ADAM19: variants seen among roughly 807,000 people sequenced by gnomAD.
ADAM19 encodes disintegrin and metalloproteinase domain-containing protein 19.
Under a neutral mutation model 114.7 loss-of-function variants are expected in ADAM19, and 65 were observed. The ratio of observed to expected loss-of-function variants is 0.57; its 90% CI spans 0.46 to 0.70. The LOEUF (loss-of-function observed/expected upper bound fraction) is 0.70, where lower values mean the gene tolerates loss of function less well. ADAM19 is among the 30% of genes least tolerant of loss of function. The pLI is 0.00. For missense variants in ADAM19, 1,063 were observed against 1,204.7 expected, an observed-to-expected ratio of 0.88 and a Z score of 1.74; for synonymous variants, 466 against 460.5, an observed-to-expected ratio of 1.01 and a Z score of -0.15.
chr5:157,536,835 G>A (rs1756781700), intron 4 of ADAM19, among the ~76,000 whole-genome samples: 1 of 152,178 alleles, frequency 6.6e-6, no homozygotes, highest in Non-Finnish European at 1.5e-5. Flanking sequence ...GATGCAGAGG[G>A]ACCTCTCCTG....
intron 21 of ADAM19, among the ~76,000 whole-genome samples, chr5:157,482,948 A>G (rs1239181325): frequency 6.6e-6 from 1 of 152,204 alleles, no homozygotes; most frequent in African/African-American, 2.4e-5. Context: ...CAGCAAAATA[A>G]CACAAGAACA....
chr5:157,488,137 A>G, intron 21 of ADAM19, 128 bp downstream of exon 21: 1 of 920,572 alleles, frequency 1.1e-6, no homozygotes, highest in Non-Finnish European at 1.7e-6. Flanking sequence ...CCCCGTATTG[A>G]CTGAATTGCA....
Position 157,479,580 on chromosome 5 carries a change from AG to A in ADAM19, c.*1368del. On this transcript the variant is annotated 3_prime_UTR_variant, in exon 23 of 23. Transcript: ENST00000257527. ...CCTCCTTCCCTGCTGCAGGGAAGAC[AG>A]GAGCCACCGCAGACCCCCTCACCTG... 1 of 985,842 alleles carries A rather than the reference AG, an allele frequency of 1.0e-6. No individual in the cohort carries two copies. The highest frequency in any genetic ancestry group is 1.2e-6 in the Non-Finnish European group (1 of 829,968). The allele number at this position is 985,842 out of a possible 1,614,324, so 61.1% of individuals were successfully genotyped here.
At chr5:157,541,471 G>A (rs1010739220) in intron 3 of ADAM19, among the ~76,000 whole-genome samples, 1 of 152,100 alleles carries the variant, frequency 6.6e-6, no homozygotes, top group Non-Finnish European at 1.5e-5. Context: ...GCCATGTCTC[G>A]GCACCATCAT....
intron 9 of ADAM19, among the ~76,000 whole-genome samples, chr5:157,507,926 TCCA>T (rs2113723829): frequency 6.6e-6 from 1 of 152,352 alleles, no homozygotes; most frequent in East Asian, 1.9e-4. Flanking sequence ...GGTACTTATC[TCCA>T]CGTTTGTCTT....
chr5:157,479,687 G>A lies in ADAM19; in HGVS notation c.*1262C>T. On this transcript the variant is annotated 3_prime_UTR_variant, in exon 23 of 23. Transcript: ENST00000257527. ...AAAGGAAGTGAATGACAAAAAGCTG[G>A]GTTGAGGAAGAGGCTCCCTGCTCTG... 2 of 986,034 alleles carry A rather than the reference G, an allele frequency of 2.0e-6. No homozygotes were observed. The highest frequency in any genetic ancestry group is 2.4e-6 in the Non-Finnish European group (2 of 830,190). 61.1% of individuals were successfully genotyped at this position (986,034 alleles called of 1,614,324 possible).
chr5:157,504,975 C>T (rs1469190867), intron 11 of ADAM19, among the ~76,000 whole-genome samples: 5 of 151,776 alleles, frequency 3.3e-5, no homozygotes, highest in African/African-American at 9.7e-5. Context: ...AAAAATTAGC[C>T]GGGCATGGTG....
intron 3 of ADAM19, among the ~76,000 whole-genome samples, chr5:157,540,784 T>G (rs1472237113): frequency 6.6e-6 from 1 of 152,148 alleles, no homozygotes; most frequent in African/African-American, 2.4e-5. Flanking sequence ...CCCACTCCAT[T>G]TCTGACCACA....
At position 157,519,198 on chromosome 5, in the gene ADAM19, G is replaced by A. The variant is rs149109563; in HGVS notation, c.601-310C>T. ...TGAGAGGGAGTGTGCTAACCACCAC[G>A]TTCCCACAGAACCTCGAAACCTCGA... On this transcript the variant is annotated intron_variant, in intron 6 of 22. Transcript: ENST00000257527. Among the ~76,000 whole-genome samples the A allele has an allele frequency of 2.0e-4, 30 of 152,292 alleles. No individual in the cohort carries two copies. In the East Asian group the frequency reaches 4.0e-3, roughly 21 times the overall value.
rs759630230 is a variant in ADAM19, at chr5:157,480,988, T to C, written c.2718A>G (p.Arg906=). The change falls in exon 23 of 23, where the codon AGA becomes AGG. Residue 906 remains arginine, a synonymous_variant. Transcript: ENST00000257527. The part of the protein sequence containing the change: ...AALAPKFPEY[R]SQRAGGMISS... ...TAATCATCCCTCCAGCCCTCTGTGA[T>C]CTGTATTCTGGAAACTGGGAAGAAA... The C allele has an allele frequency of 1.9e-6, 3 of 1,614,100 alleles. No individual in the cohort carries two copies. The highest frequency in any genetic ancestry group is 2.5e-6 in the Non-Finnish European group (3 of 1,180,004).
chr5:157,518,642 C>T (rs1488558898), intron 7 of ADAM19, among the ~76,000 whole-genome samples, 181 bp downstream of exon 7: 2 of 152,252 alleles, frequency 1.3e-5, no homozygotes, highest in Non-Finnish European at 2.9e-5. Flanking sequence ...CCTTGCCCAC[C>T]CAAAGTGCTG....
At chr5:157,574,465 C>G (rs1297210146) in intron 1 of ADAM19, among the ~76,000 whole-genome samples, 1 of 152,202 alleles carries the variant, frequency 6.6e-6, no homozygotes, top group East Asian at 1.9e-4. Context: ...GAGGACCGCC[C>G]GACCTCGGCC....
chr5:157,531,492 C>A (rs959811233), intron 4 of ADAM19, among the ~76,000 whole-genome samples: 1 of 151,952 alleles, frequency 6.6e-6, no homozygotes, highest in South Asian at 2.1e-4. Flanking sequence ...CATGGTGAAA[C>A]CCTGTCTCTA....
At chr5:157,525,614 T>C (rs1756430668) in intron 5 of ADAM19, among the ~76,000 whole-genome samples, 6 of 152,024 alleles carry the variant, frequency 3.9e-5, no homozygotes, top group Admixed American at 1.3e-4. Flanking sequence ...AGCCACCTTT[T>C]GGATAGAGTA....
chr5:157,575,737 A>C lies in ADAM19; in HGVS notation c.-41T>G. On this transcript the variant is annotated 5_prime_UTR_variant, in exon 1 of 23. Coordinates refer to ENST00000257527, the MANE Select transcript of ADAM19 (RefSeq NM_033274.5). ...TAGCGCTCGGCGCTCACACGCCCTC[A>C]GCCATACCTGCCCACTGCCCGGCGG... 1 of 1,261,000 alleles carries C rather than the reference A, an allele frequency of 7.9e-7. No individual in the cohort carries two copies. Among genetic ancestry groups the C allele is most frequent in the Non-Finnish European group, 1.0e-6 (1 of 998,916 alleles). 78.1% of individuals were successfully genotyped at this position (1,261,000 alleles called of 1,614,324 possible).
intron 13 of ADAM19, among the ~76,000 whole-genome samples, chr5:157,498,396 G>A (rs144038216): frequency 7.9e-5 from 12 of 152,290 alleles, no homozygotes; most frequent in East Asian, 3.9e-4. Context: ...CTCCTTAACC[G>A]GCAGCGGGGC....
chr5:157,477,689 C>G lies in ADAM19; in HGVS notation c.*3260G>C, dbSNP rs1030071164. ...TACACGTGGTTAACACAATTACTGA[C>G]TTTGGAACTGGTCCCCAGTTTTCAA... is the stretch of plus-strand genomic sequence containing the variant. On this transcript the variant is annotated 3_prime_UTR_variant, in exon 23 of 23. Transcript: ENST00000257527. The G allele has an allele frequency of 2.3e-6, 3 of 1,289,658 alleles. No individual in the cohort carries two copies. In the African/African-American group the frequency reaches 4.6e-5, roughly 20 times the overall value. 79.9% of individuals were successfully genotyped at this position (1,289,658 alleles called of 1,614,324 possible).
At chr5:157,566,932 A>C (rs1757680921) in intron 2 of ADAM19, among the ~76,000 whole-genome samples, 1 of 152,200 alleles carries the variant, frequency 6.6e-6, no homozygotes, top group African/African-American at 2.4e-5. Flanking sequence ...TCAGCCTCCC[A>C]AAGTGTTGGT....
intron 21 of ADAM19, among the ~76,000 whole-genome samples, chr5:157,486,392 G>A (rs958614073): frequency 3.3e-5 from 5 of 152,166 alleles, no homozygotes; most frequent in African/African-American, 4.8e-5. Flanking sequence ...CTGGGACCCG[G>A]GGCCCAGGAG....
Sources: allele counts gnomAD v4.1 joint callset (sites outside exome capture counted in the v4.1 genomes callset), GRCh38; gene constraint gnomAD v4.1.1; transcripts MANE v1.5; gene names NCBI Gene and HGNC (gene_info 2026-07-23, HGNC 2026-07-21).